The following NAALADL2 variants were observed in gnomAD, a reference collection of about 807,000 sequenced individuals.
NAALADL2 encodes N-acetylated alpha-linked acidic dipeptidase like 2, also known as inactive N-acetylated-alpha-linked acidic dipeptidase-like protein 2.
In NAALADL2, 76 loss-of-function variants were observed where a neutral mutation model predicts 87.2. The observed-to-expected ratio is 0.87, with a 90% CI of 0.72 to 1.05. The LOEUF is 1.05. Ranked by LOEUF, NAALADL2 falls within the 50% of genes least tolerant of loss-of-function variation. The pLI is 0.00. For synonymous variants in NAALADL2, 354 were observed against 331.0 expected (o/e 1.07, Z -0.75); for missense variants, 1,089 against 945.8 (o/e 1.15, Z -1.99).
chr3:174,562,498 A>C (rs1279884352), intron 2 of NAALADL2, among the ~76,000 whole-genome samples: 1 of 152,152 alleles, frequency 6.6e-6, no homozygotes, highest in Non-Finnish European at 1.5e-5. Context: ...GTGGTAGAGT[A>C]AGATATCCAG....
At chr3:175,060,850 C>G (rs143561838) in intron 1 of NAALADL2, among the ~76,000 whole-genome samples, 201 of 152,216 alleles carry the variant, frequency 1.3e-3, no homozygotes, top group Non-Finnish European at 2.3e-3. Context: ...GAGTTTGAGA[C>G]CAGCCTGATC....
intron 2 of NAALADL2, among the ~76,000 whole-genome samples, chr3:174,693,809 A>C (rs1320256852): frequency 1.3e-5 from 2 of 152,270 alleles, no homozygotes; most frequent in African/African-American, 2.4e-5. Context: ...GAGTGTGTAC[A>C]TATGTCATTT....
At chr3:175,062,648 C>G (rs959762102) in intron 1 of NAALADL2, among the ~76,000 whole-genome samples, 5 of 152,038 alleles carry the variant, frequency 3.3e-5, no homozygotes, top group African/African-American at 1.2e-4. Context: ...TGCTATTGAT[C>G]CATTTGTCTC....
chr3:175,360,109 A>G (rs1764816683), intron 5 of NAALADL2, among the ~76,000 whole-genome samples: 1 of 152,130 alleles, frequency 6.6e-6, no homozygotes, highest in Non-Finnish European at 1.5e-5. Flanking sequence ...TATCTTATAT[A>G]TCTCCTATGT....
intron 11 of NAALADL2, among the ~76,000 whole-genome samples, chr3:175,634,692 G>T (rs1232704975): frequency 1.3e-5 from 2 of 151,878 alleles, no homozygotes; most frequent in African/African-American, 2.4e-5. Context: ...TATCTCTAAT[G>T]TTGATAAATT....
chr3:174,903,989 ATATC>A (rs1732643596), intron 1 of NAALADL2, among the ~76,000 whole-genome samples: 1 of 151,262 alleles, frequency 6.6e-6, no homozygotes, highest in East Asian at 1.9e-4. Flanking sequence ...ATCTATTTCT[ATATC>A]TATATCTATA....
intron 1 of NAALADL2, among the ~76,000 whole-genome samples, chr3:174,538,934 A>G (rs1403722839): frequency 6.6e-6 from 1 of 152,124 alleles, no homozygotes; most frequent in Non-Finnish European, 1.5e-5. Context: ...ACCAAGCTGG[A>G]GCCTGACTAC....
At chr3:174,954,928 T>A (rs1156945625) in intron 1 of NAALADL2, among the ~76,000 whole-genome samples, 1 of 152,110 alleles carries the variant, frequency 6.6e-6, no homozygotes, top group Non-Finnish European at 1.5e-5. Context: ...GCAGTTTTAA[T>A]TGTGGTTAGT....
chr3:174,658,344 T>A (rs1029040780), intron 2 of NAALADL2, among the ~76,000 whole-genome samples: 1 of 152,198 alleles, frequency 6.6e-6, no homozygotes, highest in African/African-American at 2.4e-5. Context: ...CTTTGTTGTT[T>A]TAATTTGCAT....
chr3:174,948,236 G>C (rs1256365458), intron 1 of NAALADL2, among the ~76,000 whole-genome samples: 1 of 151,984 alleles, frequency 6.6e-6, no homozygotes, highest in Non-Finnish European at 1.5e-5. Context: ...GAGTGCATTG[G>C]CTTGATCTCC....
intron 13 of NAALADL2, among the ~76,000 whole-genome samples, chr3:175,781,376 C>G (rs372304973): frequency 6.6e-6 from 1 of 151,916 alleles, no homozygotes; most frequent in Non-Finnish European, 1.5e-5. Context: ...TCTCCTATTG[C>G]CTGGTAACAT....
At chr3:175,684,217 A>G (rs1000413137) in intron 11 of NAALADL2, among the ~76,000 whole-genome samples, 1 of 152,116 alleles carries the variant, frequency 6.6e-6, no homozygotes, top group Non-Finnish European at 1.5e-5. Flanking sequence ...ATGCTGTCTG[A>G]GAAGGAAAAG....
At chr3:175,625,667 G>A (rs1726882315) in intron 10 of NAALADL2, among the ~76,000 whole-genome samples, 1 of 151,952 alleles carries the variant, frequency 6.6e-6, no homozygotes, top group Admixed American at 6.6e-5. Flanking sequence ...TCATGATATA[G>A]GAATGAAAGT....
At chr3:174,531,130 A>G (rs1050594691) in intron 1 of NAALADL2, among the ~76,000 whole-genome samples, 1 of 152,202 alleles carries the variant, frequency 6.6e-6, no homozygotes, top group African/African-American at 2.4e-5. Flanking sequence ...ATTGATACTG[A>G]CATTTTCATT....
chr3:174,531,060 A>G (rs544117071), intron 1 of NAALADL2, among the ~76,000 whole-genome samples: 43 of 152,336 alleles, frequency 2.8e-4, no homozygotes, highest in African/African-American at 1.0e-3. Context: ...GGACAAATAT[A>G]CAAGCTATAA....
chr3:175,400,400 C>T (rs1213984096), intron 5 of NAALADL2, among the ~76,000 whole-genome samples: 2 of 152,130 alleles, frequency 1.3e-5, no homozygotes, highest in African/African-American at 4.8e-5. Flanking sequence ...ATTTAGCTTC[C>T]TCTAGAACCA....
chr3:174,892,434 G>A (rs886242894), intron 1 of NAALADL2, among the ~76,000 whole-genome samples: 2 of 152,006 alleles, frequency 1.3e-5, no homozygotes, highest in African/African-American at 4.8e-5. Flanking sequence ...AAAATATACT[G>A]TCAGAGGAAA....
chr3:174,975,584 T>C (rs949862429), intron 1 of NAALADL2, among the ~76,000 whole-genome samples: 4 of 152,150 alleles, frequency 2.6e-5, no homozygotes, highest in African/African-American at 9.7e-5. Context: ...TGGGCAGAAC[T>C]TGTGAATTTG....
intron 2 of NAALADL2, among the ~76,000 whole-genome samples, chr3:175,131,863 GC>G (rs1175183116): frequency 1.1e-4 from 8 of 73,166 alleles, no homozygotes; most frequent in Non-Finnish European, 2.1e-4. Context: ...GGCTGGCCGG[GC>G]GGGGTCTGAC....
Sources: allele counts gnomAD v4.1 joint callset (sites outside exome capture counted in the v4.1 genomes callset), GRCh38; gene constraint gnomAD v4.1.1; transcripts MANE v1.5; gene names NCBI Gene and HGNC (gene_info 2026-07-23, HGNC 2026-07-21).